SPIN1: variants seen among roughly 807,000 people sequenced by gnomAD.
SPIN1 encodes the protein spindlin-1.
A neutral mutation model predicts 26.0 loss-of-function variants in SPIN1; 3 were observed. The ratio of observed to expected loss-of-function variants is 0.12; its 90% confidence interval spans 0.05 to 0.30. The LOEUF is 0.30. Among genes scored for constraint, SPIN1 ranks in the 10% least tolerant of loss-of-function variants. The pLI is 1.00. For synonymous variants in SPIN1, 101 were observed against 116.5 expected, an observed-to-expected ratio of 0.87 and a Z score of 0.86; for missense variants, 126 against 333.4, an observed-to-expected ratio of 0.38 and a Z score of 4.84.
chr9:88,477,452 A>G lies in SPIN1; in HGVS notation c.*2175A>G, dbSNP rs1265626911. 1 of 152,192 alleles carries G rather than the reference A, an allele frequency of 6.6e-6. No homozygotes were observed. Among genetic ancestry groups the G allele is most frequent in the Admixed American group, 6.5e-5 (1 of 15,284 alleles). The allele number at this position is 152,192 out of a possible 1,614,324, so 9.4% of individuals were successfully genotyped here. A position where few individuals can be genotyped will look rare whatever the true frequency, so the allele number is the denominator to read the frequency against. The stretch of plus-strand genomic sequence containing the variant: ...TACCACATGGTCTCCCAGTTTCTAG[A>G]TGAATGCAACATGATGATGGTGATG... On this transcript the variant is annotated 3_prime_UTR_variant, in exon 6 of 6. Coordinates refer to ENST00000375859, the MANE Select transcript of SPIN1 (RefSeq NM_006717.3).
intron 3 of SPIN1, among the ~76,000 whole-genome samples, chr9:88,454,928 G>A (rs1828440092): frequency 6.6e-6 from 1 of 152,100 alleles, no homozygotes; most frequent in African/African-American, 2.4e-5. Context: ...CAGCCTTGAG[G>A]GGAAAATTAC....
intron 2 of SPIN1, among the ~76,000 whole-genome samples, chr9:88,442,843 T>C (rs67037781): frequency 0.33 from 49,808 of 151,674 alleles, 15,345 homozygotes; most frequent in African/African-American, 0.82. Flanking sequence ...CAGTCTTAGC[T>C]GGGTATGGTG....
intron 3 of SPIN1, among the ~76,000 whole-genome samples, chr9:88,461,971 T>C (rs1828586278): frequency 6.6e-6 from 1 of 152,164 alleles, no homozygotes; most frequent in Admixed American, 6.6e-5. Flanking sequence ...TAAGAGAAAA[T>C]TGTCTAGTTT....
At chr9:88,472,526 C>G (rs1587818933) in intron 5 of SPIN1, among the ~76,000 whole-genome samples, 1 of 152,162 alleles carries the variant, frequency 6.6e-6, no homozygotes, top group South Asian at 2.1e-4. Context: ...TGGAGTCTTG[C>G]TCTGTTGCCA....
At chr9:88,417,950 A>G (rs984287546) in intron 1 of SPIN1, among the ~76,000 whole-genome samples, 4 of 152,212 alleles carry the variant, frequency 2.6e-5, no homozygotes, top group African/African-American at 9.6e-5. Flanking sequence ...AGCCAGATGG[A>G]AGAGAGATGC....
intron 2 of SPIN1, among the ~76,000 whole-genome samples, chr9:88,437,100 C>A (rs373920435): frequency 6.6e-6 from 1 of 151,558 alleles, no homozygotes; most frequent in East Asian, 2.0e-4. Context: ...TAGTTCATTT[C>A]TTTTTATCAC....
At position 88,476,930 on chromosome 9, in the gene SPIN1, C is replaced by T. The variant is rs2118250201; in HGVS notation, c.*1653C>T. On this transcript the variant is annotated 3_prime_UTR_variant, in exon 6 of 6. Coordinates refer to ENST00000375859, the MANE Select transcript of SPIN1 (RefSeq NM_006717.3). ...TGGCTGTTCTTGATGGTTTCCAGGC[C>T]TCGTTATGCATGGTTTGCTTGATGC... is the stretch of plus-strand genomic sequence containing the variant. The T allele has an allele frequency of 6.6e-6, 1 of 152,274 alleles. No homozygotes were observed. The highest frequency in any genetic ancestry group is 1.5e-5 in the Non-Finnish European group (1 of 68,068). The allele number at this position is 152,274 out of a possible 1,614,324, so 9.4% of individuals were successfully genotyped here.
chr9:88,444,653 C>T (rs1828206745), intron 2 of SPIN1, among the ~76,000 whole-genome samples: 1 of 149,694 alleles, frequency 6.7e-6, no homozygotes, highest in South Asian at 2.1e-4. Context: ...TTTCATTTTT[C>T]TCAATTCTTT....
intron 2 of SPIN1, among the ~76,000 whole-genome samples, chr9:88,438,459 G>T (rs1338691799): frequency 6.6e-6 from 1 of 152,140 alleles, no homozygotes; most frequent in Non-Finnish European, 1.5e-5. Flanking sequence ...CTGTTTTACA[G>T]TTCATAATGT....
intron 1 of SPIN1, among the ~76,000 whole-genome samples, chr9:88,393,914 C>T (rs1283028100): frequency 6.6e-6 from 1 of 152,062 alleles, no homozygotes; most frequent in Non-Finnish European, 1.5e-5. Context: ...GTGGTGTGAC[C>T]TTGGCTTACT....
In SPIN1 at chr9:88,411,882, C is replaced by T. The variant is rs572812407; in HGVS notation, c.-158-14500C>T. 3.3e-5 allele frequency among the ~76,000 whole-genome samples: 5 copies of T among 152,036 alleles called. No individual in the cohort carries two copies. In the South Asian group the frequency reaches 1.0e-3, roughly 32 times the overall value. On this transcript the variant is annotated intron_variant, in intron 1 of 5. Coordinates refer to ENST00000375859, the MANE Select transcript of SPIN1 (RefSeq NM_006717.3). ...AAGTCAAGAAAATAGTTCAGAACAACCCCGTTTGAGGCCGGGTGCGGTGGC... is the reference window on the plus strand; with the variant it reads ...AAGTCAAGAAAATAGTTCAGAACAATCCCGTTTGAGGCCGGGTGCGGTGGC...
rs1355836946 is a variant in SPIN1 at position 88,475,491 on chromosome 9, GTC to G, written c.*216_*217del. The G allele has an allele frequency of 1.2e-5, 5 of 406,818 alleles. No individual in the cohort carries two copies. The highest frequency in any genetic ancestry group is 2.1e-5 in the Non-Finnish European group (5 of 233,148). The allele number at this position is 406,818 out of a possible 1,614,324, so 25.2% of individuals were successfully genotyped here. The stretch of plus-strand genomic sequence containing the variant: ...AACCCCTTTCTTTTAAAAGAAGTCT[GTC>G]TATTTCGAGGGGAGTTACAGGCAAG... On this transcript the variant is annotated 3_prime_UTR_variant, in exon 6 of 6. Transcript: ENST00000375859.
chr9:88,418,474 C>T (rs1276697582), intron 1 of SPIN1, among the ~76,000 whole-genome samples: 3 of 152,170 alleles, frequency 2.0e-5, no homozygotes, highest in Non-Finnish European at 4.4e-5. Flanking sequence ...TTACACTTGA[C>T]ATGTTTCACT....
chr9:88,471,494 C>G (rs545152146), intron 5 of SPIN1, among the ~76,000 whole-genome samples: 8 of 151,642 alleles, frequency 5.3e-5, no homozygotes, highest in Admixed American at 6.6e-5. Context: ...GAAACCCTGT[C>G]TCTACTAAAA....
chr9:88,435,456 C>G (rs984952411), intron 2 of SPIN1, among the ~76,000 whole-genome samples: 29 of 152,070 alleles, frequency 1.9e-4, no homozygotes, highest in Admixed American at 1.2e-3. Flanking sequence ...GCCATGGTGC[C>G]AGCCCCATTT....
chr9:88,405,837 AT>A (rs940483393), intron 1 of SPIN1, among the ~76,000 whole-genome samples: 1 of 147,536 alleles, frequency 6.8e-6, no homozygotes, highest in Non-Finnish European at 1.5e-5. Flanking sequence ...CTCCATTATA[AT>A]TTTTTTTGTT....
chr9:88,433,110 C>T (rs897155124), intron 2 of SPIN1, among the ~76,000 whole-genome samples: 1 of 151,698 alleles, frequency 6.6e-6, no homozygotes, highest in African/African-American at 2.4e-5. Context: ...GATAGGGTCT[C>T]GCCGTGTCAC....
Position 88,434,207 on chromosome 9 carries a change from A to C in SPIN1, c.52+7616A>C, listed in dbSNP as rs144399952. Among the ~76,000 whole-genome samples, 551 of 152,218 alleles carry C rather than the reference A, an allele frequency of 3.6e-3. 2 individuals are homozygous for C. Among genetic ancestry groups the C allele is most frequent in the African/African-American group, 0.012 (519 of 41,566 alleles). ...GGTCTTACTTTGGAACATGTGCCTG[A>C]GTAAGCCTCTGTGAGACAGTTTTGG... On this transcript the variant is annotated intron_variant, in intron 2 of 5. Transcript: ENST00000375859.
At chr9:88,439,990 T>C (rs1828086188) in intron 2 of SPIN1, among the ~76,000 whole-genome samples, 2 of 152,192 alleles carry the variant, frequency 1.3e-5, no homozygotes, top group Non-Finnish European at 2.9e-5. Flanking sequence ...GTAGGTGGAG[T>C]AATACCGTGT....
Sources: allele counts gnomAD v4.1 joint callset (sites outside exome capture counted in the v4.1 genomes callset), GRCh38; gene constraint gnomAD v4.1.1; transcripts MANE v1.5; gene names NCBI Gene and HGNC (gene_info 2026-07-23, HGNC 2026-07-21).